AAK1: variants seen among roughly 807,000 people sequenced by gnomAD.
The protein encoded by AAK1 is AP2-associated protein kinase 1.
A neutral mutation model predicts 116.0 loss-of-function variants in AAK1; 37 were observed. That is an observed-to-expected ratio of 0.32 (90% CI 0.25 to 0.42). The LOEUF (loss-of-function observed/expected upper bound fraction) is 0.42. AAK1 is among the 10% of genes least tolerant of loss of function. AAK1 has a pLI of 1.00. For synonymous variants in AAK1, 458 were observed against 439.9 expected, an observed-to-expected ratio of 1.04 and a Z score of -0.51; for missense variants, 919 against 1,170.6, an observed-to-expected ratio of 0.79 and a Z score of 3.14.
intron 15 of AAK1, among the ~76,000 whole-genome samples, chr2:69,506,000 T>C (rs1676170610): frequency 6.6e-6 from 1 of 152,218 alleles, no homozygotes; most frequent in Non-Finnish European, 1.5e-5. Context: ...CCCTCACTTG[T>C]AATCTATTCA....
In AAK1 at chr2:69,505,659, T is replaced by C; in HGVS notation, c.2179A>G (p.Lys727Glu). The C allele has an allele frequency of 3.7e-6, 6 of 1,613,524 alleles. No individual in the cohort carries two copies. Among genetic ancestry groups the C allele is most frequent in the Non-Finnish European group, 5.1e-6 (6 of 1,179,642 alleles). ...AKLGEGKHPE[K>E]LGGSAESLIP... The stretch of plus-strand genomic sequence containing the variant: ...AAACTCTCAGCTGAGCCTCCAAGCT[T>C]CTCGGGATGTTTGCCTGGAGAGACA... The change falls in exon 16 of 22, where the codon AAG becomes GAG. Residue 727 changes from lysine to glutamate, a missense_variant. By Grantham distance (56) the Lys-to-Glu change is moderately conservative. This residue lies in a region of AAK1 where 263 missense variants were observed against 285.5 expected (regional missense o/e 0.92). Coordinates refer to ENST00000409085, the MANE Select transcript of AAK1 (RefSeq NM_014911.5).
At chr2:69,585,680 CACTT>C (rs1197305159) in intron 2 of AAK1, among the ~76,000 whole-genome samples, 1 of 152,160 alleles carries the variant, frequency 6.6e-6, no homozygotes, top group Non-Finnish European at 1.5e-5. Flanking sequence ...ATTTAAGAAT[CACTT>C]ACCCAAAAAG....
intron 2 of AAK1, among the ~76,000 whole-genome samples, chr2:69,629,034 T>C (rs1489262709): frequency 6.6e-6 from 1 of 152,224 alleles, no homozygotes; most frequent in Non-Finnish European, 1.5e-5. Flanking sequence ...CTTTGATAAA[T>C]ATGAAAATCT....
chr2:69,471,382 C>A lies in AAK1; in HGVS notation c.*4487G>T. ...ATTTAAGAAATCTAAGCACATCCAA[C>A]TTCAGAAACATTACTAATGTGGAAA... On this transcript the variant is annotated 3_prime_UTR_variant, in exon 22 of 22. Coordinates refer to ENST00000409085, the MANE Select transcript of AAK1 (RefSeq NM_014911.5). 1.0e-6 allele frequency: 1 copy of A among 985,426 alleles called. No homozygotes were observed. Among genetic ancestry groups the A allele is most frequent in the Non-Finnish European group, 1.2e-6 (1 of 829,920 alleles). The allele number at this position is 985,426 out of a possible 1,614,324, so 61.0% of individuals were successfully genotyped here.
intron 3 of AAK1, among the ~76,000 whole-genome samples, chr2:69,553,377 T>G (rs964276145): frequency 6.6e-6 from 1 of 151,396 alleles, no homozygotes; most frequent in Non-Finnish European, 1.5e-5. Flanking sequence ...CAACTCAGAA[T>G]TCTGTACTCA....
intron 3 of AAK1, among the ~76,000 whole-genome samples, chr2:69,546,148 A>C (rs144811705): frequency 0.011 from 1,687 of 151,968 alleles, 37 homozygotes; most frequent in African/African-American, 0.039. Context: ...ATGGCTGTGC[A>C]TGCTGGTTTA....
At chr2:69,485,341 T>C (rs915466271) in intron 17 of AAK1, among the ~76,000 whole-genome samples, 3 of 152,234 alleles carry the variant, frequency 2.0e-5, no homozygotes, top group Non-Finnish European at 1.5e-5. Context: ...TGGTGACATG[T>C]TGTGACTCTG....
At chr2:69,604,600 A>G (rs4852869) in intron 2 of AAK1, among the ~76,000 whole-genome samples, 78,288 of 152,058 alleles carry the variant, frequency 0.51, 22,657 homozygotes, top group East Asian at 0.78. Flanking sequence ...GAAGGAACAT[A>G]CGAGCTGACA....
chr2:69,508,282 C>T (rs191454461), intron 14 of AAK1, among the ~76,000 whole-genome samples: 98 of 152,230 alleles, frequency 6.4e-4, no homozygotes, highest in African/African-American at 2.2e-3. Flanking sequence ...TTTAGGCTGC[C>T]TCTCATCTCT....
rs1293353135 is a variant in AAK1 at position 69,468,347 on chromosome 2, T to C, written c.*7522A>G. 3.2e-5 allele frequency: 32 copies of C among 985,160 alleles called. No individual in the cohort carries two copies. The highest frequency in any genetic ancestry group is 3.5e-5 in the Non-Finnish European group (29 of 829,904). The allele number at this position is 985,160 out of a possible 1,614,324, so 61.0% of individuals were successfully genotyped here. ...TTCAAATAAAAGGGAGAAAAATAAG[T>C]TTTCCAAAATAAGGTTTGCAGAGCC... On this transcript the variant is annotated 3_prime_UTR_variant, in exon 22 of 22. Transcript: ENST00000409085.
chr2:69,641,884 C>T (rs181928630), intron 2 of AAK1, among the ~76,000 whole-genome samples: 47 of 152,248 alleles, frequency 3.1e-4, no homozygotes, highest in African/African-American at 9.9e-4. Flanking sequence ...TATAACACAA[C>T]CTACAGCAGG....
intron 2 of AAK1, among the ~76,000 whole-genome samples, chr2:69,587,424 C>CAT (rs750721541): frequency 4.4e-4 from 66 of 150,342 alleles, no homozygotes; most frequent in Middle Eastern, 3.4e-3. Context: ...TATATATACA[C>CAT]ATATATATAC....
At chr2:69,594,677 A>T (rs59729931) in intron 2 of AAK1, 21,936 of 582,670 alleles carry the variant, frequency 0.038, 1,535 homozygotes, top group East Asian at 0.17. Flanking sequence ...TCTTGAAGGA[A>T]TTTTTTTTAA....
At chr2:69,625,571 A>G (rs941073004) in intron 2 of AAK1, among the ~76,000 whole-genome samples, 1 of 152,190 alleles carries the variant, frequency 6.6e-6, no homozygotes, top group Non-Finnish European at 1.5e-5. Flanking sequence ...CGGAACTGGG[A>G]AGCAATGTGT....
At chr2:69,501,248 A>G (rs993232715) in intron 16 of AAK1, among the ~76,000 whole-genome samples, 8 of 152,236 alleles carry the variant, frequency 5.3e-5, no homozygotes, top group Non-Finnish European at 1.2e-4. Context: ...CAATATACTT[A>G]TACAATTTAC....
intron 2 of AAK1, among the ~76,000 whole-genome samples, chr2:69,578,100 C>T (rs1672388256): frequency 6.6e-6 from 1 of 152,116 alleles, no homozygotes. Flanking sequence ...AGCTTTCAAG[C>T]AGTAATTAAT....
chr2:69,516,366 A>G (rs1263441880), intron 12 of AAK1, among the ~76,000 whole-genome samples: 2 of 152,106 alleles, frequency 1.3e-5, no homozygotes, highest in African/African-American at 4.8e-5. Context: ...TCCAGTAATT[A>G]CAAATCCAAA....
chr2:69,534,580 T>C (rs1309033613), intron 5 of AAK1, among the ~76,000 whole-genome samples: 1 of 152,270 alleles, frequency 6.6e-6, no homozygotes, highest in Non-Finnish European at 1.5e-5. Flanking sequence ...GCTCCTTTTA[T>C]TCAACTGCTC....
At chr2:69,643,489 G>A in intron 1 of AAK1, 86 bp downstream of exon 1, 9 of 1,218,232 alleles carry the variant, frequency 7.4e-6, no homozygotes, top group African/African-American at 1.6e-5. Flanking sequence ...GAGCTGCTCC[G>A]GCAGCGCCGA....
Sources: allele counts gnomAD v4.1 joint callset (sites outside exome capture counted in the v4.1 genomes callset), GRCh38; gene constraint gnomAD v4.1.1; regional missense constraint gnomAD v4.1.1; transcripts MANE v1.5; gene names NCBI Gene and HGNC (gene_info 2026-07-23, HGNC 2026-07-21).